The following PDE3A variants were observed in gnomAD, a reference collection of about 807,000 sequenced individuals.
PDE3A encodes cGMP-inhibited 3',5'-cyclic phosphodiesterase 3A.
In PDE3A, 43 loss-of-function variants were observed where a neutral mutation model predicts 98.3. That is an observed-to-expected ratio of 0.44 (90% CI 0.34 to 0.56). The LOEUF is 0.56. Ranked by LOEUF, PDE3A falls within the 20% of genes least tolerant of loss-of-function variation. The probability of loss-of-function intolerance (pLI) is 0.01; values close to 1 mark genes in which losing one functional copy is unlikely to be tolerated. For missense variants in PDE3A, 1,427 were observed against 1,440.7 expected (o/e 0.99, Z 0.15); for synonymous variants, 663 against 567.9 (o/e 1.17, Z -2.38).
chr12:20,489,372 A>G (rs1945789553), intron 1 of PDE3A, among the ~76,000 whole-genome samples: 1 of 152,224 alleles, frequency 6.6e-6, no homozygotes, highest in African/African-American at 2.4e-5. Context: ...CAGCAGAAGC[A>G]AGTCTTGAGG....
intron 14 of PDE3A, among the ~76,000 whole-genome samples, chr12:20,651,180 C>G (rs914114857): frequency 1.3e-5 from 2 of 152,100 alleles, no homozygotes; most frequent in Non-Finnish European, 2.9e-5. Flanking sequence ...GACATGATAA[C>G]TAAGAGTTAA....
At chr12:20,551,902 C>G in intron 1 of PDE3A, 1 of 1,613,470 alleles carries the variant, frequency 6.2e-7, no homozygotes, top group Non-Finnish European at 8.5e-7. Flanking sequence ...CCCGGGGATC[C>G]CCGTGGGCAC....
Position 20,369,870 on chromosome 12 carries a change from A to G in PDE3A, c.586A>G (p.Ser196Gly). 1.2e-6 allele frequency: 2 copies of G among 1,612,784 alleles called. No individual in the cohort carries two copies. The highest frequency in any genetic ancestry group is 2.2e-5 in the East Asian group (1 of 44,802). Residue 196 changes from serine to glycine, a missense_variant, in exon 1 of 16, where the codon AGC becomes GGC. Around this residue, in one of 3 missense-constraint regions of PDE3A, gnomAD observed 1,012 missense variants for 886.5 expected, o/e 1.14. Coordinates refer to ENST00000359062, the MANE Select transcript of PDE3A (RefSeq NM_000921.5). ...ACTCCCCGCCGCGGGGGTGGTGCTC[A>G]GCTGCTTGGCCGCCGCGACATGGCT... The part of the protein sequence containing the change: ...LSLPAAGVVL[S>G]CLAAATWLVL...
intron 2 of PDE3A, among the ~76,000 whole-genome samples, chr12:20,606,466 A>T (rs1393736846): frequency 6.6e-6 from 1 of 152,194 alleles, no homozygotes; most frequent in Non-Finnish European, 1.5e-5. Flanking sequence ...TGCCTTTTAT[A>T]GCACGCAAAT....
intron 15 of PDE3A, among the ~76,000 whole-genome samples, chr12:20,667,186 T>G (rs1029172709): frequency 1.3e-5 from 2 of 152,178 alleles, no homozygotes; most frequent in African/African-American, 2.4e-5. Context: ...AGTTCCTTGT[T>G]GTATGAACAA....
chr12:20,602,968 C>T (rs535390214), intron 2 of PDE3A, among the ~76,000 whole-genome samples: 13 of 152,218 alleles, frequency 8.5e-5, no homozygotes, highest in African/African-American at 3.1e-4. Context: ...GTATCAAATC[C>T]AGCTCATCTT....
rs1435180754 is a variant in PDE3A at position 20,368,599 on chromosome 12, T to G, written c.-686T>G. ...TAGCAACTTCTTATTTCTCAGCCCC[T>G]TGTCCATTTTTTTTTTTCCATCCTT... On this transcript the variant is annotated 5_prime_UTR_variant, in exon 1 of 16. Coordinates refer to ENST00000359062, the MANE Select transcript of PDE3A (RefSeq NM_000921.5). Among the ~76,000 whole-genome samples the G allele has an allele frequency of 1.3e-5, 2 of 151,606 alleles. No homozygotes were observed. Among genetic ancestry groups the G allele is most frequent in the Admixed American group, 6.6e-5 (1 of 15,108 alleles).
intron 1 of PDE3A, among the ~76,000 whole-genome samples, chr12:20,532,560 G>A (rs1484122575): frequency 4.6e-5 from 7 of 152,188 alleles, no homozygotes; most frequent in African/African-American, 1.2e-4. Context: ...TGGCAACACC[G>A]ATGTGGTTAA....
chr12:20,428,483 G>C (rs1343289395), intron 1 of PDE3A, among the ~76,000 whole-genome samples: 1 of 151,908 alleles, frequency 6.6e-6, no homozygotes, highest in Non-Finnish European at 1.5e-5. Flanking sequence ...GGGTTTCACC[G>C]TGTTTGCCAG....
chr12:20,437,054 TG>T (rs1555145841), intron 1 of PDE3A, among the ~76,000 whole-genome samples: 1 of 692 alleles, frequency 1.4e-3, no homozygotes, highest in Non-Finnish European at 0.017. Flanking sequence ...AATTTAAGAT[TG>T]TGTGTGTGTG....
intron 1 of PDE3A, among the ~76,000 whole-genome samples, chr12:20,496,980 A>C (rs1281201818): frequency 1.3e-5 from 2 of 152,174 alleles, no homozygotes; most frequent in Non-Finnish European, 2.9e-5. Flanking sequence ...CTTGTACTTG[A>C]ATTCCACTTG....
Position 20,474,656 on chromosome 12 carries a change from T to C in PDE3A, c.961-82004T>C, listed in dbSNP as rs139234672. ...ACCTTCTAGAGCTTCATTCCTTGCATTCCTTGGCTCCTGGCCTCTTCCTCC... is the reference window on the plus strand; with the variant it reads ...ACCTTCTAGAGCTTCATTCCTTGCACTCCTTGGCTCCTGGCCTCTTCCTCC... On this transcript the variant is annotated intron_variant, in intron 1 of 15. Coordinates refer to ENST00000359062, the MANE Select transcript of PDE3A (RefSeq NM_000921.5). 8.3e-3 allele frequency among the ~76,000 whole-genome samples: 1,264 copies of C among 152,282 alleles called. 12 individuals are homozygous for C. Among genetic ancestry groups the C allele is most frequent in the African/African-American group, 0.029 (1,195 of 41,566 alleles).
intron 1 of PDE3A, among the ~76,000 whole-genome samples, chr12:20,492,223 C>T (rs1016301204): frequency 6.6e-6 from 1 of 152,082 alleles, no homozygotes; most frequent in Non-Finnish European, 1.5e-5. Context: ...TCAAGTGATC[C>T]TCCTCCCACC....
intron 1 of PDE3A, among the ~76,000 whole-genome samples, chr12:20,529,825 A>G (rs1333257713): frequency 6.6e-6 from 1 of 152,180 alleles, no homozygotes; most frequent in Non-Finnish European, 1.5e-5. Flanking sequence ...GCAAACTAAT[A>G]CATCATAGAT....
At chr12:20,617,216 C>G (rs190837904) in intron 4 of PDE3A, among the ~76,000 whole-genome samples, 1 of 152,076 alleles carries the variant, frequency 6.6e-6, no homozygotes, top group African/African-American at 2.4e-5. Flanking sequence ...TTCTCCTGAT[C>G]GTTAGCCTGG....
rs562384811 is a variant in PDE3A, at chr12:20,400,709, C to A, written c.960+30465C>A. ...CTGGGATTATAGGCGTGAGCCACTG[C>A]GCCCGGTCAACATTGTTAATATTTT... On this transcript the variant is annotated intron_variant, in intron 1 of 15. Transcript: ENST00000359062. Among the ~76,000 whole-genome samples the A allele has an allele frequency of 1.6e-4, 25 of 152,234 alleles. 1 individual carries two copies. The highest frequency in any genetic ancestry group is 4.8e-4 in the African/African-American group (20 of 41,546).
At chr12:20,675,940 A>G (rs901133144) in intron 15 of PDE3A, among the ~76,000 whole-genome samples, 2 of 152,090 alleles carry the variant, frequency 1.3e-5, no homozygotes, top group African/African-American at 2.4e-5. Context: ...CACCCATTCT[A>G]TGTCTTGTGA....
chr12:20,533,702 G>A (rs1301652035), intron 1 of PDE3A, among the ~76,000 whole-genome samples: 4 of 151,176 alleles, frequency 2.6e-5, no homozygotes, highest in Admixed American at 6.6e-5. Context: ...GGATGGTCTC[G>A]ATCTCCTGAC....
chr12:20,573,405 T>C (rs908003985), intron 2 of PDE3A, among the ~76,000 whole-genome samples: 7 of 151,350 alleles, frequency 4.6e-5, no homozygotes, highest in African/African-American at 1.7e-4. Flanking sequence ...ATGAAGCTCG[T>C]ATTCTAGAAT....
Sources: gnomAD v4.1 joint callset for allele counts (sites outside exome capture counted in the v4.1 genomes callset) on GRCh38, gnomAD v4.1.1 for gene constraint, gnomAD v4.1.1 regional missense constraint, MANE v1.5 for transcripts, NCBI Gene and HGNC (gene_info 2026-07-23, HGNC 2026-07-21) for gene names.